NFYB: variants seen among roughly 807,000 people sequenced by gnomAD.
NFYB encodes the protein CAAT box DNA-binding protein subunit B.
In NFYB, 13 loss-of-function variants were observed where a neutral mutation model predicts 28.0. The ratio of observed to expected loss-of-function variants is 0.46; its 90% CI spans 0.30 to 0.74. NFYB has a LOEUF of 0.74. NFYB is among the 30% of genes least tolerant of loss of function. The probability of loss-of-function intolerance (pLI) is 0.07; values close to 1 mark genes in which losing one functional copy is unlikely to be tolerated. For synonymous variants in NFYB, 74 were observed against 75.0 expected (o/e 0.99, Z 0.07); for missense variants, 142 against 247.6 (o/e 0.57, Z 2.86).
At chr12:104,130,376 G>A (rs929778206) in intron 2 of NFYB, among the ~76,000 whole-genome samples, 5 of 151,974 alleles carry the variant, frequency 3.3e-5, no homozygotes, top group African/African-American at 9.7e-5. Context: ...TCAATAACAC[G>A]GCATTTCTTT....
At chr12:104,138,025 G>C (rs1476763763) in intron 1 of NFYB, 116 bp downstream of exon 1, 2 of 146,708 alleles carry the variant, frequency 1.4e-5, no homozygotes, top group Admixed American at 1.4e-4. Flanking sequence ...GGAGGCTAGT[G>C]CCCCCGGCCG....
intron 4 of NFYB, among the ~76,000 whole-genome samples, chr12:104,124,620 A>G (rs1007442710): frequency 6.6e-6 from 1 of 152,230 alleles, no homozygotes; most frequent in Admixed American, 6.5e-5. Context: ...CAATATAGCC[A>G]AATTCTTACC....
At position 104,118,284 on chromosome 12, in the gene NFYB, C is replaced by T. The variant is rs1026306936; in HGVS notation, c.*1453G>A. 1.3e-5 allele frequency: 2 copies of T among 152,350 alleles called. No individual in the cohort carries two copies. Among genetic ancestry groups the T allele is most frequent in the Admixed American group, 6.6e-5 (1 of 15,266 alleles). 9.4% of individuals were successfully genotyped at this position (152,350 alleles called of 1,614,324 possible). A position where few individuals can be genotyped will look rare whatever the true frequency, so the allele number is the denominator to read the frequency against. On this transcript the variant is annotated 3_prime_UTR_variant, in exon 8 of 8. Coordinates refer to ENST00000240055, the MANE Select transcript of NFYB (RefSeq NM_006166.4). ...TGTTGATTTTGCTTAACTACTCCCC[C>T]ATTTTTTCCTATTTGAATTTACTAC...
At chr12:104,121,934 G>A (rs1239545384) in intron 5 of NFYB, among the ~76,000 whole-genome samples, 2 of 152,058 alleles carry the variant, frequency 1.3e-5, no homozygotes, top group Non-Finnish European at 2.9e-5. Flanking sequence ...CACCTAAGCT[G>A]GCATGTGGAA....
intron 2 of NFYB, 80 bp downstream of exon 2, chr12:104,135,368 G>T: frequency 1.6e-6 from 2 of 1,280,916 alleles, no homozygotes; most frequent in Non-Finnish European, 2.2e-6. Flanking sequence ...GGCACCTCCA[G>T]TATAAATTGG....
intron 2 of NFYB, among the ~76,000 whole-genome samples, chr12:104,133,412 G>A (rs995086138): frequency 1.3e-5 from 2 of 152,214 alleles, no homozygotes; most frequent in Admixed American, 6.5e-5. Flanking sequence ...CTCAAACCAG[G>A]ATGGTGTTTG....
At chr12:104,125,638 C>T (rs61939192) in intron 4 of NFYB, among the ~76,000 whole-genome samples, 13,431 of 151,926 alleles carry the variant, frequency 0.088, 864 homozygotes, top group Admixed American at 0.17. Flanking sequence ...CACCTGAGGT[C>T]GAGAGTTCAA....
chr12:104,120,866 C>T (rs1156784311), intron 6 of NFYB, among the ~76,000 whole-genome samples: 13 of 152,060 alleles, frequency 8.5e-5, no homozygotes, highest in Admixed American at 8.5e-4. Flanking sequence ...ATTTACTCAA[C>T]ATAGCCCTTT....
At position 104,121,329 on chromosome 12, in the gene NFYB, AG is replaced by A. The variant is rs2136646244; in HGVS notation, c.430-9del. ...CTTTTCTCCTTTCATAGCCTGAGGAAGGAAAAAAAAAAAGTCACTGATATTC... is the reference window on the plus strand; with the variant it reads ...CTTTTCTCCTTTCATAGCCTGAGGAAGAAAAAAAAAAAGTCACTGATATTC... On this transcript the variant is annotated splice_polypyrimidine_tract_variant and intron_variant, in intron 5 of 7. Coordinates refer to ENST00000240055, the MANE Select transcript of NFYB (RefSeq NM_006166.4). The A allele has an allele frequency of 6.2e-7, 1 of 1,601,198 alleles. No homozygotes were observed. The highest frequency in any genetic ancestry group is 1.1e-5 in the South Asian group (1 of 89,306).
At chr12:104,138,006 G>A (rs917935193) in intron 1 of NFYB, 135 bp downstream of exon 1, 8 of 145,914 alleles carry the variant, frequency 5.5e-5, no homozygotes, top group Admixed American at 4.1e-4. Context: ...CGGCCCGCGC[G>A]GGAGGGCGGG....
At chr12:104,121,176 C>A in intron 6 of NFYB, 64 bp downstream of exon 6, 3 of 1,310,768 alleles carry the variant, frequency 2.3e-6, no homozygotes, top group South Asian at 1.2e-5. Context: ...CCAAAAATAC[C>A]ATTAGATACT....
intron 2 of NFYB, among the ~76,000 whole-genome samples, chr12:104,129,312 A>T (rs1269174233): frequency 1.3e-5 from 2 of 152,108 alleles, no homozygotes; most frequent in Non-Finnish European, 2.9e-5. Flanking sequence ...CTTAAAAAAA[A>T]AAATCAGCTT....
chr12:104,120,229 A>G (rs1345228491), intron 7 of NFYB, among the ~76,000 whole-genome samples, 171 bp downstream of exon 7: 1 of 151,886 alleles, frequency 6.6e-6, no homozygotes, highest in Non-Finnish European at 1.5e-5. Context: ...TAATTTTTGT[A>G]TTTTTAGTAG....
intron 2 of NFYB, among the ~76,000 whole-genome samples, chr12:104,134,677 A>G (rs903181511): frequency 5.9e-5 from 9 of 152,186 alleles, no homozygotes; most frequent in Non-Finnish European, 1.0e-4. Flanking sequence ...TCATGACTTC[A>G]CATGAGCAGA....
chr12:104,130,457 T>C (rs1049160702), intron 2 of NFYB, among the ~76,000 whole-genome samples: 1 of 152,168 alleles, frequency 6.6e-6, no homozygotes, highest in African/African-American at 2.4e-5. Flanking sequence ...TATATAGTTG[T>C]TGTAAGGGGG....
In NFYB at chr12:104,119,690, TAC is replaced by T; in HGVS notation, c.*45_*46del. On this transcript the variant is annotated 3_prime_UTR_variant, in exon 8 of 8. Coordinates refer to ENST00000240055, the MANE Select transcript of NFYB (RefSeq NM_006166.4). Reference sequence around the variant, plus strand: ...TTCTGATGTCTCTGTTCCAGAATCATACAGACTCTCATTTCTCTACACTCCCC... The same window carrying T: ...TTCTGATGTCTCTGTTCCAGAATCATAGACTCTCATTTCTCTACACTCCCC... 2.1e-6 allele frequency: 3 copies of T among 1,433,754 alleles called. No individual in the cohort carries two copies. The highest frequency in any genetic ancestry group is 2.3e-5 in the East Asian group (1 of 43,868). 88.8% of individuals were successfully genotyped at this position (1,433,754 alleles called of 1,614,324 possible). A position where few individuals can be genotyped will look rare whatever the true frequency, so the allele number is the denominator to read the frequency against.
intron 7 of NFYB, 81 bp from the exon 8 acceptor site, chr12:104,119,850 GAATA>G: frequency 9.2e-6 from 8 of 867,624 alleles, no homozygotes; most frequent in South Asian, 3.0e-5. Flanking sequence ...AAAATTCAGT[GAATA>G]AAAAGACAAT....
intron 1 of NFYB, among the ~76,000 whole-genome samples, chr12:104,136,117 G>C (rs1275363669): frequency 6.6e-6 from 1 of 152,106 alleles, no homozygotes; most frequent in Admixed American, 6.5e-5. Context: ...ACACAATCAA[G>C]ACCCTTATTT....
rs766912899 is a variant in NFYB, at chr12:104,118,265, T to C, written c.*1472A>G. 7.2e-5 allele frequency: 11 copies of C among 152,346 alleles called. No homozygotes were observed. Among genetic ancestry groups the C allele is most frequent in the Non-Finnish European group, 1.6e-4 (11 of 68,042 alleles). The allele number at this position is 152,346 out of a possible 1,614,324, so 9.4% of individuals were successfully genotyped here. ...TTCAACATAGTAGGATGACTGTTGA[T>C]TTTGCTTAACTACTCCCCCATTTTT... On this transcript the variant is annotated 3_prime_UTR_variant, in exon 8 of 8. Transcript: ENST00000240055.
Sources: gnomAD v4.1 joint callset for allele counts (sites outside exome capture counted in the v4.1 genomes callset) on GRCh38, gnomAD v4.1.1 for gene constraint, MANE v1.5 for transcripts, NCBI Gene and HGNC (gene_info 2026-07-23, HGNC 2026-07-21) for gene names.